Variants in KLHL32 observed in about 807,000 individuals in gnomAD.
KLHL32 encodes kelch-like protein 32.
KLHL32 carries 35 observed loss-of-function variants against 64.8 expected under a neutral mutation model. The observed-to-expected ratio is 0.54, with a 90% CI of 0.41 to 0.72. The LOEUF is 0.72. Among genes scored for constraint, KLHL32 ranks in the 30% least tolerant of loss-of-function variants. KLHL32 has a pLI of 0.00. For missense variants in KLHL32, 589 were observed against 768.5 expected, an observed-to-expected ratio of 0.77 and a Z score of 2.76; for synonymous variants, 259 against 281.0, an observed-to-expected ratio of 0.92 and a Z score of 0.78.
the KLHL32 span, among the ~76,000 whole-genome samples, chr6:96,913,035 C>T: frequency 6.6e-6 from 1 of 152,290 alleles, no homozygotes; most frequent in Admixed American, 6.5e-5. Flanking sequence ...TGTTTGATTG[C>T]TCTCTGTTTC....
intron 6 of KLHL32, among the ~76,000 whole-genome samples, chr6:97,112,056 G>A (rs911633288): frequency 1.3e-5 from 2 of 152,076 alleles, no homozygotes; most frequent in African/African-American, 4.8e-5. Context: ...GATCATGGGT[G>A]GTTTTGGAAA....
At chr6:96,970,945 C>T (rs1341810689) in intron 2 of KLHL32, among the ~76,000 whole-genome samples, 2 of 152,050 alleles carry the variant, frequency 1.3e-5, no homozygotes, top group African/African-American at 4.8e-5. Flanking sequence ...ATTTTGACTA[C>T]ATAATTTAAG....
chr6:97,069,994 G>C (rs925718295), intron 5 of KLHL32, among the ~76,000 whole-genome samples: 2 of 151,592 alleles, frequency 1.3e-5, no homozygotes. Context: ...AATATATAGT[G>C]GGTGTTCTGA....
chr6:97,024,219 C>T (rs773107014), intron 3 of KLHL32, among the ~76,000 whole-genome samples: 13 of 152,170 alleles, frequency 8.5e-5, no homozygotes, highest in South Asian at 2.1e-4. Context: ...ATTTTATAAA[C>T]GGGCTGTTAC....
chr6:96,923,345 T>C (rs560839397), upstream of KLHL32, among the ~76,000 whole-genome samples: 40 of 152,346 alleles, frequency 2.6e-4, no homozygotes, highest in African/African-American at 8.9e-4. Flanking sequence ...GATTTTCTGA[T>C]AGAAGACAAC....
intron 4 of KLHL32, among the ~76,000 whole-genome samples, chr6:97,055,095 C>G (rs1167664288): frequency 6.6e-6 from 1 of 152,168 alleles, no homozygotes; most frequent in African/African-American, 2.4e-5. Context: ...CAGACAGATA[C>G]CCAATGCCAG....
At chr6:96,972,844 G>A (rs1488121124) in intron 2 of KLHL32, among the ~76,000 whole-genome samples, 4 of 152,132 alleles carry the variant, frequency 2.6e-5, no homozygotes, top group Non-Finnish European at 5.9e-5. Flanking sequence ...TACAGTCTTC[G>A]ATTTATCTCC....
At chr6:96,914,091 G>A in the KLHL32 span, among the ~76,000 whole-genome samples, 2 of 152,116 alleles carry the variant, frequency 1.3e-5, no homozygotes, top group Non-Finnish European at 2.9e-5. Flanking sequence ...TGGCTTTGAA[G>A]AAAGCGGGGG....
At chr6:97,095,430 G>T (rs1794847044) in intron 6 of KLHL32, among the ~76,000 whole-genome samples, 1 of 152,214 alleles carries the variant, frequency 6.6e-6, no homozygotes, top group South Asian at 2.1e-4. Flanking sequence ...AATGTAGAGG[G>T]GCTGTGTAGT....
At chr6:97,111,132 A>C (rs1053098698) in intron 6 of KLHL32, among the ~76,000 whole-genome samples, 4 of 152,066 alleles carry the variant, frequency 2.6e-5, no homozygotes, top group African/African-American at 4.8e-5. Context: ...AGATGCCTTC[A>C]GTTGCCCCAG....
chr6:96,966,079 C>G (rs1774426231), intron 1 of KLHL32, among the ~76,000 whole-genome samples: 1 of 152,148 alleles, frequency 6.6e-6, no homozygotes, highest in Non-Finnish European at 1.5e-5. Context: ...TACAAATCAT[C>G]AGAAATAGGC....
intron 1 of KLHL32, among the ~76,000 whole-genome samples, chr6:96,929,188 G>A (rs1429184465): frequency 6.6e-6 from 1 of 152,204 alleles, no homozygotes; most frequent in Non-Finnish European, 1.5e-5. Flanking sequence ...CATAGCTAGA[G>A]TCTAGCACTG....
chr6:97,017,038 C>T (rs1365109879), intron 3 of KLHL32, among the ~76,000 whole-genome samples: 1 of 152,142 alleles, frequency 6.6e-6, no homozygotes, highest in African/African-American at 2.4e-5. Context: ...TTATAAATTA[C>T]CCAGTCTCAG....
At chr6:97,124,527 T>C (rs1160169891) in intron 7 of KLHL32, among the ~76,000 whole-genome samples, 1 of 152,182 alleles carries the variant, frequency 6.6e-6, no homozygotes, top group Non-Finnish European at 1.5e-5. Flanking sequence ...TCTAATCCAT[T>C]GGTTGTATGT....
upstream of KLHL32, among the ~76,000 whole-genome samples, chr6:96,924,407 G>A (rs1171047035): frequency 6.6e-6 from 1 of 151,200 alleles, no homozygotes; most frequent in East Asian, 2.0e-4. Context: ...GCGAGGAGGA[G>A]GGCGGCGTGG....
chr6:96,983,229 C>T (rs1435552818), intron 3 of KLHL32, among the ~76,000 whole-genome samples: 7 of 152,280 alleles, frequency 4.6e-5, no homozygotes, highest in African/African-American at 1.4e-4. Flanking sequence ...AGGGATGAAG[C>T]CCACTTGATC....
chr6:97,116,012 A>G (rs1797771948), intron 7 of KLHL32, among the ~76,000 whole-genome samples: 1 of 152,118 alleles, frequency 6.6e-6, no homozygotes, highest in East Asian at 1.9e-4. Flanking sequence ...GCTGTCCTCA[A>G]TAACCAGGAA....
chr6:97,080,736 C>T (rs1159947030), intron 5 of KLHL32, among the ~76,000 whole-genome samples: 1 of 152,202 alleles, frequency 6.6e-6, no homozygotes, highest in Non-Finnish European at 1.5e-5. Context: ...TCCTTCCTCC[C>T]ATGGAGCTTA....
At chr6:96,949,280 T>C (rs1360390560) in intron 1 of KLHL32, among the ~76,000 whole-genome samples, 1 of 152,162 alleles carries the variant, frequency 6.6e-6, no homozygotes, top group African/African-American at 2.4e-5. Context: ...CTCATGCATT[T>C]TACTTCATTT....
Sources: allele counts gnomAD v4.1 joint callset (sites outside exome capture counted in the v4.1 genomes callset), GRCh38; gene constraint gnomAD v4.1.1; transcripts MANE v1.5; gene names NCBI Gene and HGNC (gene_info 2026-07-23, HGNC 2026-07-21).